The following ATP13A3 variants were observed in gnomAD, a reference collection of about 807,000 sequenced individuals.
The protein encoded by ATP13A3 is ATPase 13A3.
Under a neutral mutation model 158.1 loss-of-function variants are expected in ATP13A3, and 59 were observed. The observed-to-expected ratio is 0.37, with a 90% CI of 0.30 to 0.46. The LOEUF is 0.46. ATP13A3 is among the 20% of genes least tolerant of loss of function. ATP13A3 has a pLI of 1.00. For synonymous variants in ATP13A3, 491 were observed against 504.3 expected, an observed-to-expected ratio of 0.97 and a Z score of 0.35; for missense variants, 1,166 against 1,525.2, an observed-to-expected ratio of 0.76 and a Z score of 3.92.
At chr3:194,463,528 A>T (rs918521677) in intron 2 of ATP13A3, among the ~76,000 whole-genome samples, 2 of 152,068 alleles carry the variant, frequency 1.3e-5, no homozygotes, top group Non-Finnish European at 2.9e-5. Context: ...ATCCACAAAA[A>T]TTTTCAAGAA....
intron 30 of ATP13A3, among the ~76,000 whole-genome samples, chr3:194,423,162 G>A (rs1366813178): frequency 6.6e-6 from 1 of 152,088 alleles, no homozygotes; most frequent in Non-Finnish European, 1.5e-5. Flanking sequence ...CCCTTGAAAT[G>A]AAGGCAGCTG....
At chr3:194,426,867 A>T (rs1357616154) in intron 29 of ATP13A3, among the ~76,000 whole-genome samples, 2 of 151,986 alleles carry the variant, frequency 1.3e-5, no homozygotes, top group African/African-American at 4.8e-5. Context: ...TCACCATGTT[A>T]ACCAGGCTGG....
chr3:194,478,060 G>C (rs1382871709), intron 2 of ATP13A3, among the ~76,000 whole-genome samples: 1 of 151,990 alleles, frequency 6.6e-6, no homozygotes, highest in Non-Finnish European at 1.5e-5. Flanking sequence ...ACTAGAAAAA[G>C]GTAAATTAAA....
chr3:194,456,057 GTTC>G lies in ATP13A3; in HGVS notation c.561-98_561-96del, dbSNP rs974162559. The G allele has an allele frequency of 2.2e-4, 150 of 667,478 alleles. No homozygotes were observed. In the African/African-American group the frequency reaches 2.6e-3, roughly 11 times the overall value. The allele number at this position is 667,478 out of a possible 1,614,324, so 41.3% of individuals were successfully genotyped here. On this transcript the variant is annotated intron_variant, in intron 7 of 33. Coordinates refer to ENST00000645319, the MANE Select transcript of ATP13A3 (RefSeq NM_001367549.1). ...TTAGGTAAGGCTTAAACCACAGACT[GTTC>G]TTATTCATGTCTCCAAACACCTGTC...
chr3:194,412,268 G>A lies in ATP13A3; in HGVS notation c.3504C>T (p.Val1168=). ...ITVENFFLDM[V]LWKVVFNRDK... Reference sequence around the variant, plus strand: ...CTCGGTTGAACACAACTTTCCAAAGGACCATGTCAAGGAAGAAGTTCTGAG... The same window carrying A: ...CTCGGTTGAACACAACTTTCCAAAGAACCATGTCAAGGAAGAAGTTCTGAG... The change falls in exon 33 of 34, where the codon GTC becomes GTT. Residue 1168 remains valine (V), a synonymous_variant. Transcript: ENST00000645319. 1 of 1,536,306 alleles carries A rather than the reference G, an allele frequency of 6.5e-7. No homozygotes were observed.
At chr3:194,464,242 T>C (rs1175173899) in intron 2 of ATP13A3, among the ~76,000 whole-genome samples, 1 of 152,194 alleles carries the variant, frequency 6.6e-6, no homozygotes, top group African/African-American at 2.4e-5. Context: ...TTATCAAATA[T>C]GTGAATACAT....
chr3:194,434,611 T>G (rs112276292), intron 20 of ATP13A3, among the ~76,000 whole-genome samples: 2 of 152,196 alleles, frequency 1.3e-5, no homozygotes, highest in African/African-American at 4.8e-5. Context: ...TGTTCAGTGA[T>G]AGTTACGTTC....
Position 194,454,323 on chromosome 3 carries a change from A to G in ATP13A3, c.700T>C (p.Tyr234His). The G allele has an allele frequency of 6.2e-7, 1 of 1,606,908 alleles. No homozygotes were observed. Among genetic ancestry groups the G allele is most frequent in the East Asian group, 2.2e-5 (1 of 44,810 alleles). The part of the protein sequence containing the change: ...ILWSTDEYYY[Y>H]ALAIVVMSIV... ...GACATAACCACAATAGCTAGAGCATAGTAATAGTATTCATCAGTGCTCCAC... is the reference window on the plus strand; with the variant it reads ...GACATAACCACAATAGCTAGAGCATGGTAATAGTATTCATCAGTGCTCCAC... Residue 234 changes from tyrosine (Y) to histidine (H), a missense_variant, in exon 9 of 34, where the codon TAT becomes CAT. By Grantham distance (83) the Tyr-to-His change is moderately conservative. Coordinates refer to ENST00000645319, the MANE Select transcript of ATP13A3 (RefSeq NM_001367549.1).
At chr3:194,426,382 A>G (rs77306208) in intron 29 of ATP13A3, among the ~76,000 whole-genome samples, 2,863 of 152,264 alleles carry the variant, frequency 0.019, 41 homozygotes, top group Non-Finnish European at 0.031. Flanking sequence ...GTGATCCGTA[A>G]AGCACTCTAC....
At chr3:194,439,103 C>A in intron 16 of ATP13A3, 131 bp from the exon 17 acceptor site, 1 of 561,508 alleles carries the variant, frequency 1.8e-6, no homozygotes, top group Non-Finnish European at 3.0e-6. Flanking sequence ...AAATGTATGT[C>A]CAAGGAACAA....
intron 8 of ATP13A3, among the ~76,000 whole-genome samples, chr3:194,455,153 A>C (rs1478195860): frequency 6.6e-6 from 1 of 152,230 alleles, no homozygotes; most frequent in Non-Finnish European, 1.5e-5. Flanking sequence ...GTCAAAGGAA[A>C]GACAAATATG....
intron 2 of ATP13A3, among the ~76,000 whole-genome samples, chr3:194,464,618 A>G (rs930120316): frequency 6.6e-6 from 1 of 152,204 alleles, no homozygotes; most frequent in Non-Finnish European, 1.5e-5. Context: ...GTACAGGCCT[A>G]CTATCAAAGG....
In ATP13A3 at chr3:194,437,309, A is replaced by T; in HGVS notation, c.1999+2T>A. On this transcript the variant is annotated splice_donor_variant, in intron 19 of 33. Transcript: ENST00000645319. LOFTEE classifies it high-confidence loss of function. The stretch of plus-strand genomic sequence containing the variant: ...GTACCCAAAGCATAGATATTTCCTT[A>T]CCTGTTTCAGGTTTACAGAGACCGG... 1 of 1,614,194 alleles carries T rather than the reference A, an allele frequency of 6.2e-7. No individual in the cohort carries two copies. The highest frequency in any genetic ancestry group is 8.5e-7 in the Non-Finnish European group (1 of 1,180,036).
chr3:194,413,927 C>T, intron 31 of ATP13A3, 88 bp from the exon 32 acceptor site: 1 of 1,145,062 alleles, frequency 8.7e-7, no homozygotes, highest in Admixed American at 1.7e-5. Context: ...TTATTGAATT[C>T]CTATGATGTA....
chr3:194,472,764 T>C (rs79523189), intron 2 of ATP13A3, among the ~76,000 whole-genome samples: 3,152 of 152,234 alleles, frequency 0.021, 75 homozygotes, highest in East Asian at 0.071. Context: ...CCACCAACAG[T>C]GGATTGCATA....
At chr3:194,410,323 A>AAAAC (rs1560066795) in intron 33 of ATP13A3, among the ~76,000 whole-genome samples, 24 of 144,224 alleles carry the variant, frequency 1.7e-4, no homozygotes, top group African/African-American at 6.0e-4. Context: ...AAAAAAAAAA[A>AAAAC]AAAAAAAACT....
At chr3:194,406,698 G>A (rs760916385) in intron 33 of ATP13A3, among the ~76,000 whole-genome samples, 12 of 152,106 alleles carry the variant, frequency 7.9e-5, no homozygotes, top group African/African-American at 2.4e-4. Flanking sequence ...CAACTTAGCC[G>A]CATGATCATT....
chr3:194,427,624 C>G (rs1328454966), intron 28 of ATP13A3, among the ~76,000 whole-genome samples: 1 of 145,860 alleles, frequency 6.9e-6, no homozygotes, highest in Non-Finnish European at 1.5e-5. Context: ...CATAGTGAAA[C>G]CCCATCTCTA....
At chr3:194,486,016 G>A (rs948791047) in intron 1 of ATP13A3, among the ~76,000 whole-genome samples, 181 bp from the exon 2 acceptor site, 1 of 152,150 alleles carries the variant, frequency 6.6e-6, no homozygotes, top group Admixed American at 6.5e-5. Context: ...GGAATGGAGA[G>A]ACAGAAAGGC....
Sources: gnomAD v4.1 joint callset for allele counts (sites outside exome capture counted in the v4.1 genomes callset) on GRCh38, gnomAD v4.1.1 for gene constraint, MANE v1.5 for transcripts, NCBI Gene and HGNC (gene_info 2026-07-23, HGNC 2026-07-21) for gene names.